Variants in LRRC4C observed in about 807,000 individuals in gnomAD.
LRRC4C encodes the protein leucine-rich repeat-containing protein 4C.
Under a neutral mutation model 33.6 loss-of-function variants are expected in LRRC4C, and 5 were observed. The observed-to-expected ratio is 0.15, with a 90% confidence interval of 0.08 to 0.31. The LOEUF is 0.31. Ranked by LOEUF, LRRC4C falls within the 10% of genes least tolerant of loss-of-function variation. The pLI, the probability that LRRC4C is intolerant of heterozygous loss-of-function variation, is 1.00. For synonymous variants in LRRC4C, 329 were observed against 302.0 expected, an observed-to-expected ratio of 1.09 and a Z score of -0.93; for missense variants, 560 against 796.7, an observed-to-expected ratio of 0.70 and a Z score of 3.58.
At chr11:40,584,068 T>C (rs539882008) in intron 3 of LRRC4C, among the ~76,000 whole-genome samples, 1 of 150,978 alleles carries the variant, frequency 6.6e-6, no homozygotes, top group East Asian at 2.0e-4. Context: ...GATCACTTAT[T>C]AACACCTGCT....
At chr11:40,430,912 A>C (rs1202965331) in intron 3 of LRRC4C, among the ~76,000 whole-genome samples, 2 of 120,572 alleles carry the variant, frequency 1.7e-5, no homozygotes, top group Non-Finnish European at 3.3e-5. Flanking sequence ...TCACATGGAC[A>C]CAGGAAGGGG....
At chr11:40,842,662 T>G (rs1952964170) in intron 2 of LRRC4C, among the ~76,000 whole-genome samples, 1 of 152,162 alleles carries the variant, frequency 6.6e-6, no homozygotes, top group Non-Finnish European at 1.5e-5. Context: ...TAACTGAAAT[T>G]TTGTATCATT....
intron 2 of LRRC4C, among the ~76,000 whole-genome samples, chr11:40,665,345 T>TAC (rs1943730913): frequency 3.9e-4 from 7 of 18,118 alleles, no homozygotes; most frequent in Non-Finnish European, 5.9e-4. Context: ...TATATATATA[T>TAC]ATATATATAT....
chr11:40,967,000 T>G (rs975716544), intron 1 of LRRC4C, among the ~76,000 whole-genome samples: 2 of 152,018 alleles, frequency 1.3e-5, no homozygotes. Flanking sequence ...TCAGTAGAGA[T>G]ATCACCTACG....
At chr11:41,445,942 C>A (rs1476047792) in intron 1 of LRRC4C, among the ~76,000 whole-genome samples, 2 of 147,494 alleles carry the variant, frequency 1.4e-5, no homozygotes, top group Non-Finnish European at 3.0e-5. Flanking sequence ...AATGTGTTTC[C>A]TTTTTATGTT....
At chr11:41,368,757 C>T (rs1952635435) in intron 1 of LRRC4C, among the ~76,000 whole-genome samples, 1 of 152,186 alleles carries the variant, frequency 6.6e-6, no homozygotes, top group Non-Finnish European at 1.5e-5. Flanking sequence ...TACTTTCCTA[C>T]ATGTTGCTAC....
In LRRC4C at chr11:40,391,521, GAGCCAAAGGTA is replaced by G. The variant is rs1949336765; in HGVS notation, c.-269-71811_-269-71801del. ...CATTCTGAGATGAGATGAAGGGATTGAGCCAAAGGTAAGCCACTTCTCCAGGACCATGGGGT... is the reference window on the plus strand; with the variant it reads ...CATTCTGAGATGAGATGAAGGGATTGAGCCACTTCTCCAGGACCATGGGGT... On this transcript the variant is annotated intron_variant, in intron 3 of 6. Coordinates refer to ENST00000528697, the MANE Select transcript of LRRC4C (RefSeq NM_001258419.2). Among the ~76,000 whole-genome samples, 4 of 152,166 alleles carry G rather than the reference GAGCCAAAGGTA, an allele frequency of 2.6e-5. No homozygotes were observed. The South Asian group carries it at 8.3e-4, about 32-fold the overall frequency.
intron 3 of LRRC4C, among the ~76,000 whole-genome samples, chr11:40,435,012 C>T (rs948055557): frequency 6.6e-6 from 1 of 152,104 alleles, no homozygotes; most frequent in Non-Finnish European, 1.5e-5. Flanking sequence ...ACTTTTCCCC[C>T]AAATCACAAG....
chr11:41,347,385 T>C (rs1951838199), intron 1 of LRRC4C, among the ~76,000 whole-genome samples: 1 of 152,142 alleles, frequency 6.6e-6, no homozygotes, highest in African/African-American at 2.4e-5. Context: ...GGGGAGTGAA[T>C]GGATGTCACA....
intron 2 of LRRC4C, among the ~76,000 whole-genome samples, chr11:40,899,568 G>A (rs879385198): frequency 1.3e-5 from 2 of 152,126 alleles, no homozygotes; most frequent in Non-Finnish European, 2.9e-5. Context: ...ACAAAATTGA[G>A]CTTTTCCCAA....
At chr11:40,122,811 T>TA (rs1196506770) in intron 6 of LRRC4C, among the ~76,000 whole-genome samples, 1 of 134,786 alleles carries the variant, frequency 7.4e-6, no homozygotes, top group African/African-American at 2.7e-5. Context: ...CCTACTCCCT[T>TA]ACTCTTTTCT....
At chr11:40,161,572 G>T (rs967456710) in intron 5 of LRRC4C, among the ~76,000 whole-genome samples, 4 of 152,004 alleles carry the variant, frequency 2.6e-5, no homozygotes, top group African/African-American at 9.7e-5. Flanking sequence ...TGGGCAACAC[G>T]GTAAGACCCC....
chr11:40,126,580 A>T (rs1856243857), intron 6 of LRRC4C, among the ~76,000 whole-genome samples: 1 of 152,236 alleles, frequency 6.6e-6, no homozygotes, highest in African/African-American at 2.4e-5. Flanking sequence ...TATAGGTACT[A>T]GTGTAAATCA....
At chr11:40,747,876 A>G (rs1377192087) in intron 2 of LRRC4C, among the ~76,000 whole-genome samples, 1 of 152,162 alleles carries the variant, frequency 6.6e-6, no homozygotes, top group African/African-American at 2.4e-5. Flanking sequence ...AAAAGAAAAA[A>G]AGAGTGAGCA....
At chr11:40,254,334 C>T (rs1867028841) in intron 4 of LRRC4C, among the ~76,000 whole-genome samples, 1 of 152,176 alleles carries the variant, frequency 6.6e-6, no homozygotes, top group African/African-American at 2.4e-5. Context: ...CATGAGGGAA[C>T]TCAGGATCTG....
At chr11:40,308,944 C>G (rs1945170423) in intron 4 of LRRC4C, among the ~76,000 whole-genome samples, 2 of 152,212 alleles carry the variant, frequency 1.3e-5, no homozygotes, top group South Asian at 2.1e-4. Context: ...ATCCATATTT[C>G]TACCAACATT....
rs1346834316 is a variant in LRRC4C at position 40,246,063 on chromosome 11, TC to T, written c.-175-4466del. On this transcript the variant is annotated intron_variant, in intron 4 of 6. Coordinates refer to ENST00000528697, the MANE Select transcript of LRRC4C (RefSeq NM_001258419.2). ...ATCTCAGCTCACTGCAACCTCTGCC[TC>T]CTGGGTTCAAGTGATTTTCCTGCCT... Among the ~76,000 whole-genome samples the T allele has an allele frequency of 7.3e-5, 11 of 151,170 alleles. No individual in the cohort carries two copies. The South Asian group carries it at 2.3e-3, about 32-fold the overall frequency.
chr11:41,111,361 G>A (rs1056631241), intron 1 of LRRC4C, among the ~76,000 whole-genome samples: 5 of 152,030 alleles, frequency 3.3e-5, no homozygotes, highest in African/African-American at 1.2e-4. Flanking sequence ...GACACAGGCA[G>A]CAGTGTTCCT....
chr11:40,124,571 A>G (rs530681478), intron 6 of LRRC4C, among the ~76,000 whole-genome samples: 111 of 152,194 alleles, frequency 7.3e-4, no homozygotes, highest in Non-Finnish European at 1.3e-3. Context: ...GACAAATTTC[A>G]TATGTTCTCA....
Sources: allele counts gnomAD v4.1 joint callset (sites outside exome capture counted in the v4.1 genomes callset), GRCh38; gene constraint gnomAD v4.1.1; transcripts MANE v1.5; gene names NCBI Gene and HGNC (gene_info 2026-07-23, HGNC 2026-07-21).